The following MBNL2 variants were observed in gnomAD, a reference collection of about 807,000 sequenced individuals.
MBNL2 encodes muscleblind like splicing regulator 2.
Under a neutral mutation model 41.9 loss-of-function variants are expected in MBNL2, and 17 were observed. That is an observed-to-expected ratio of 0.41 (90% CI 0.28 to 0.61). The LOEUF (loss-of-function observed/expected upper bound fraction) is 0.61, where lower values mean the gene tolerates loss of function less well. Among genes scored for constraint, MBNL2 ranks in the 20% least tolerant of loss-of-function variants. MBNL2 has a pLI of 0.35. For missense variants in MBNL2, 336 were observed against 505.6 expected (o/e 0.66, Z 3.22); for synonymous variants, 195 against 182.9 (o/e 1.07, Z -0.53).
At chr13:97,323,827 G>A (rs149047866) in intron 2 of MBNL2, among the ~76,000 whole-genome samples, 22 of 152,226 alleles carry the variant, frequency 1.4e-4, no homozygotes, top group African/African-American at 5.1e-4. Flanking sequence ...CTTATGGGGT[G>A]CATGAGATGT....
chr13:97,217,402 C>T (rs2040472172), upstream of MBNL2, among the ~76,000 whole-genome samples: 1 of 152,130 alleles, frequency 6.6e-6, no homozygotes, highest in Non-Finnish European at 1.5e-5. Flanking sequence ...ACAAGCAAGA[C>T]ATGTTTACTA....
At chr13:97,180,639 G>T in the MBNL2 span, among the ~76,000 whole-genome samples, 2 of 151,320 alleles carry the variant, frequency 1.3e-5, no homozygotes, top group Admixed American at 6.6e-5. Flanking sequence ...CTACTCAGGA[G>T]GCTGAGGCAG....
At chr13:97,200,279 C>G in the MBNL2 span, among the ~76,000 whole-genome samples, 1 of 152,178 alleles carries the variant, frequency 6.6e-6, no homozygotes, top group Non-Finnish European at 1.5e-5. Flanking sequence ...CCACACCTAC[C>G]AGGTGAGCTG....
intron 2 of MBNL2, among the ~76,000 whole-genome samples, chr13:97,279,007 T>TCTA (rs1159617243): frequency 6.6e-6 from 1 of 152,228 alleles, no homozygotes; most frequent in African/African-American, 2.4e-5. Flanking sequence ...GTAAGCACGG[T>TCTA]CTGTAGCAAC....
intron 2 of MBNL2, among the ~76,000 whole-genome samples, chr13:97,332,108 G>C (rs911830724): frequency 6.6e-6 from 1 of 152,182 alleles, no homozygotes; most frequent in African/African-American, 2.4e-5. Context: ...CTGGAATTCT[G>C]CTTTCCCAAG....
At chr13:97,320,771 C>T (rs925720151) in intron 2 of MBNL2, among the ~76,000 whole-genome samples, 1 of 151,836 alleles carries the variant, frequency 6.6e-6, no homozygotes, top group African/African-American at 2.4e-5. Flanking sequence ...AAAAATTAGC[C>T]GGGCATGGTG....
chr13:97,146,248 G>A, the MBNL2 span, among the ~76,000 whole-genome samples: 1 of 150,522 alleles, frequency 6.6e-6, no homozygotes, highest in Non-Finnish European at 1.5e-5. Context: ...TGATCCTCCC[G>A]CCTCGGCCTC....
chr13:97,197,326 G>A, the MBNL2 span, among the ~76,000 whole-genome samples: 1 of 152,110 alleles, frequency 6.6e-6, no homozygotes, highest in African/African-American at 2.4e-5. Context: ...CCTAATCTCT[G>A]CAATAGATTC....
At chr13:97,373,394 G>T (rs2064586281) in intron 8 of MBNL2, among the ~76,000 whole-genome samples, 1 of 151,772 alleles carries the variant, frequency 6.6e-6, no homozygotes, top group African/African-American at 2.4e-5. Context: ...TGTAGAGAAG[G>T]CAGGAGAGAG....
chr13:97,347,111 G>A lies in MBNL2; in HGVS notation c.804+44G>A, dbSNP rs577981007. 1.3e-4 allele frequency: 191 copies of A among 1,434,570 alleles called. 1 individual carries two copies. In the South Asian group the frequency reaches 2.4e-3, roughly 18 times the overall value. The allele number at this position is 1,434,570 out of a possible 1,614,324, so 88.9% of individuals were successfully genotyped here. On this transcript the variant is annotated intron_variant, in intron 5 of 8. Coordinates refer to ENST00000679496, the MANE Select transcript of MBNL2 (RefSeq NM_001382683.1). ...CGCCCCTGCACCCCGGCGCCTCTGC[G>A]GAGGCCGCTCCGGGCTGGGACTTGG...
chr13:97,389,613 G>C (rs914515432), intron 8 of MBNL2, among the ~76,000 whole-genome samples: 1 of 152,010 alleles, frequency 6.6e-6, no homozygotes, highest in Non-Finnish European at 1.5e-5. Context: ...GGCTAAAGTG[G>C]GAGGATTGCT....
chr13:97,160,965 G>T, the MBNL2 span, among the ~76,000 whole-genome samples: 1 of 152,092 alleles, frequency 6.6e-6, no homozygotes, highest in African/African-American at 2.4e-5. Flanking sequence ...AATTTTCTGT[G>T]GTTTTTTGAA....
chr13:97,276,434 A>G (rs1205243791), intron 2 of MBNL2, 25 bp downstream of exon 2: 1 of 1,600,544 alleles, frequency 6.2e-7, no homozygotes, highest in African/African-American at 1.3e-5. Context: ...TTTATGTGTC[A>G]TTTCAATACC....
intron 3 of MBNL2, among the ~76,000 whole-genome samples, chr13:97,342,276 A>C (rs2061501019): frequency 6.6e-6 from 1 of 152,168 alleles, no homozygotes; most frequent in Admixed American, 6.5e-5. Flanking sequence ...CAGAGAACAA[A>C]TTTAATAAGA....
At chr13:97,204,565 A>T in the MBNL2 span, among the ~76,000 whole-genome samples, 1 of 152,184 alleles carries the variant, frequency 6.6e-6, no homozygotes, top group Non-Finnish European at 1.5e-5. Flanking sequence ...ATTTATTTGC[A>T]TAAATTGCTT....
At chr13:97,246,611 T>C (rs1459148588) in intron 1 of MBNL2, among the ~76,000 whole-genome samples, 1 of 152,228 alleles carries the variant, frequency 6.6e-6, no homozygotes, top group African/African-American at 2.4e-5. Flanking sequence ...TCTAAAATTC[T>C]CAGTCTCTGT....
At chr13:97,195,258 A>G in the MBNL2 span, among the ~76,000 whole-genome samples, 1 of 152,086 alleles carries the variant, frequency 6.6e-6, no homozygotes, top group Non-Finnish European at 1.5e-5. Flanking sequence ...CTCAGGCATC[A>G]TCTCATTTGT....
intron 1 of MBNL2, among the ~76,000 whole-genome samples, chr13:97,256,306 G>GT (rs924266924): frequency 1.3e-5 from 2 of 148,424 alleles, no homozygotes; most frequent in Admixed American, 6.7e-5. Context: ...TTGACTTTAA[G>GT]TAAAAAAAAA....
the MBNL2 span, among the ~76,000 whole-genome samples, chr13:97,171,529 T>G: frequency 0.099 from 14,999 of 152,268 alleles, 839 homozygotes; most frequent in South Asian, 0.17. Flanking sequence ...ACACACACTG[T>G]CATACTTCAT....
Sources: gnomAD v4.1 joint callset for allele counts (sites outside exome capture counted in the v4.1 genomes callset) on GRCh38, gnomAD v4.1.1 for gene constraint, MANE v1.5 for transcripts, NCBI Gene and HGNC (gene_info 2026-07-23, HGNC 2026-07-21) for gene names.